CELA2B: variants seen among roughly 807,000 people sequenced by gnomAD.
CELA2B encodes the protein chymotrypsin-like elastase family member 2B.
CELA2B carries 27 observed loss-of-function variants against 36.5 expected under a neutral mutation model. The ratio of observed to expected loss-of-function variants is 0.74; its 90% confidence interval spans 0.55 to 1.02. The LOEUF is 1.02. Among genes scored for constraint, CELA2B ranks in the 50% least tolerant of loss-of-function variants. CELA2B has a pLI of 0.00. For missense variants in CELA2B, 340 were observed against 347.8 expected (o/e 0.98, Z 0.18); for synonymous variants, 143 against 148.5 (o/e 0.96, Z 0.27).
chr1:15,482,283 C>T lies in CELA2B; in HGVS notation c.246C>T (p.Arg82=), dbSNP rs758507409. Residue 82 remains arginine (R), a synonymous_variant, in exon 4 of 8, where the codon CGC becomes CGT. Coordinates refer to ENST00000375910, the MANE Select transcript of CELA2B (RefSeq NM_015849.3). The part of the protein sequence containing the change: ...AHCISSSGIY[R]VMLGQHNLYV... ...CTCCCAGCTCCTCCGGGATCTACCGCGTGATGCTGGGCCAGCATAACCTCT... is the reference window on the plus strand; with the variant it reads ...CTCCCAGCTCCTCCGGGATCTACCGTGTGATGCTGGGCCAGCATAACCTCT... 3.1e-6 allele frequency: 5 copies of T among 1,613,986 alleles called. No individual in the cohort carries two copies. The South Asian group carries it at 3.3e-5, about 11-fold the overall frequency.
intron 4 of CELA2B, among the ~76,000 whole-genome samples, chr1:15,482,604 G>A (rs545818102): frequency 4.6e-5 from 7 of 152,152 alleles, no homozygotes; most frequent in Non-Finnish European, 7.4e-5. Flanking sequence ...CTGCCAGAGC[G>A]ACCTGGGTTT....
chr1:15,482,611 G>C (rs1708756778), intron 4 of CELA2B, among the ~76,000 whole-genome samples: 1 of 152,200 alleles, frequency 6.6e-6, no homozygotes, highest in South Asian at 2.1e-4. Flanking sequence ...AGCGACCTGG[G>C]TTTGCTGCCA....
chr1:15,481,568 G>T, intron 3 of CELA2B: 1 of 500,378 alleles, frequency 2.0e-6, no homozygotes, highest in South Asian at 1.5e-5. Context: ...ACAGAATTTA[G>T]TGTGGACTCA....
At chr1:15,483,502 G>T (rs1324006089) in intron 5 of CELA2B, 102 bp downstream of exon 5, 1 of 1,562,924 alleles carries the variant, frequency 6.4e-7, no homozygotes, top group Non-Finnish European at 8.7e-7. Context: ...TGGGCATGTG[G>T]CTGCCTTGGA....
chr1:15,484,569 C>T (rs888419873), intron 5 of CELA2B, among the ~76,000 whole-genome samples: 3 of 152,118 alleles, frequency 2.0e-5, no homozygotes, highest in Non-Finnish European at 4.4e-5. Context: ...TCAAATCCTG[C>T]GGTGAGTGGT....
At chr1:15,476,722 C>A (rs1708676763) in intron 2 of CELA2B, among the ~76,000 whole-genome samples, 177 bp downstream of exon 2, 1 of 152,212 alleles carries the variant, frequency 6.6e-6, no homozygotes, top group African/African-American at 2.4e-5. Flanking sequence ...GTGGCTCATG[C>A]CTGTTATCCC....
At chr1:15,487,583 A>G in intron 7 of CELA2B, 146 bp downstream of exon 7, 1 of 1,094,600 alleles carries the variant, frequency 9.1e-7, no homozygotes, top group Non-Finnish European at 1.3e-6. Flanking sequence ...AGACCTTGGC[A>G]ACTGCTGAGT....
chr1:15,488,525 C>T (rs1451385835), intron 7 of CELA2B, among the ~76,000 whole-genome samples: 1 of 152,186 alleles, frequency 6.6e-6, no homozygotes, highest in Non-Finnish European at 1.5e-5. Flanking sequence ...AGACACCATG[C>T]CTGGTAATAG....
At chr1:15,483,139 C>G (rs757905911) in intron 4 of CELA2B, 125 bp from the exon 5 acceptor site, 29 of 1,439,966 alleles carry the variant, frequency 2.0e-5, no homozygotes, top group Middle Eastern at 5.2e-4. Flanking sequence ...GCCCTGTGGG[C>G]CCTGCCGGTC....
intron 3 of CELA2B, 94 bp from the exon 4 acceptor site, chr1:15,482,171 C>T: frequency 4.0e-6 from 6 of 1,502,362 alleles, no homozygotes; most frequent in Non-Finnish European, 5.4e-6. Flanking sequence ...CAACTAGTGG[C>T]TCATGAAGCA....
chr1:15,484,388 C>T (rs1708779709), intron 5 of CELA2B, among the ~76,000 whole-genome samples: 1 of 152,068 alleles, frequency 6.6e-6, no homozygotes. Flanking sequence ...GTGATAATGA[C>T]CTTATGACCG....
chr1:15,483,179 A>G, intron 4 of CELA2B, 85 bp from the exon 5 acceptor site: 9 of 1,584,760 alleles, frequency 5.7e-6, no homozygotes, highest in Non-Finnish European at 7.7e-6. Flanking sequence ...TACAGGGAAG[A>G]TGACAAGGTC....
chr1:15,476,568 C>G (rs1708674043), intron 2 of CELA2B, 23 bp downstream of exon 2: 2 of 1,604,560 alleles, frequency 1.2e-6, no homozygotes, highest in Admixed American at 1.7e-5. Context: ...CACTGTACTT[C>G]TCCCCGTCCC....
intron 4 of CELA2B, 42 bp from the exon 5 acceptor site, chr1:15,483,222 A>G (rs1377933577): frequency 6.2e-7 from 1 of 1,611,584 alleles, no homozygotes; most frequent in Non-Finnish European, 8.5e-7. Flanking sequence ...AGGGCAGGAA[A>G]AGTCAACCCT....
At chr1:15,488,345 C>A (rs916519459) in intron 7 of CELA2B, among the ~76,000 whole-genome samples, 1 of 152,138 alleles carries the variant, frequency 6.6e-6, no homozygotes, top group African/African-American at 2.4e-5. Context: ...CAAGGTCGCA[C>A]CACTGCACTG....
intron 2 of CELA2B, among the ~76,000 whole-genome samples, chr1:15,479,838 G>A (rs2103311794): frequency 6.6e-6 from 1 of 152,328 alleles, no homozygotes; most frequent in African/African-American, 2.4e-5. Flanking sequence ...AGGAGGAAGA[G>A]CCAGTGCAAA....
chr1:15,483,892 G>A (rs2103313815), intron 5 of CELA2B, among the ~76,000 whole-genome samples: 1 of 151,524 alleles, frequency 6.6e-6, no homozygotes, highest in South Asian at 2.1e-4. Context: ...TTGCGCTGCT[G>A]CACTCCAGCC....
At chr1:15,486,530 C>A (rs2103315094) in intron 6 of CELA2B, among the ~76,000 whole-genome samples, 2 of 152,284 alleles carry the variant, frequency 1.3e-5, no homozygotes. Context: ...TTGAGATTCT[C>A]CTTGTAGTGT....
intron 2 of CELA2B, among the ~76,000 whole-genome samples, chr1:15,478,215 T>C (rs903143426): frequency 1.4e-5 from 2 of 147,236 alleles, no homozygotes; most frequent in African/African-American, 5.2e-5. Flanking sequence ...TATATATATA[T>C]ATTGGGATAT....
Sources: allele counts gnomAD v4.1 joint callset (sites outside exome capture counted in the v4.1 genomes callset), GRCh38; gene constraint gnomAD v4.1.1; transcripts MANE v1.5; gene names NCBI Gene and HGNC (gene_info 2026-07-23, HGNC 2026-07-21).